Variants in EYS observed in about 807,000 individuals in gnomAD.
EYS encodes EGF-like photoreceptor maintenance factor.
EYS carries 250 observed loss-of-function variants against 282.1 expected under a neutral mutation model. The observed-to-expected ratio is 0.89, with a 90% CI of 0.80 to 0.98. The LOEUF (loss-of-function observed/expected upper bound fraction) is 0.98, where lower values mean the gene tolerates loss of function less well. Among genes scored for constraint, EYS ranks in the 50% least tolerant of loss-of-function variants. The pLI, the probability that EYS is intolerant of heterozygous loss-of-function variation, is 0.00. For missense variants in EYS, 4,016 were observed against 3,709.0 expected (o/e 1.08, Z -2.15); for synonymous variants, 1,355 against 1,282.9 (o/e 1.06, Z -1.20).
At chr6:65,211,177 G>C (rs1048581899) in intron 12 of EYS, among the ~76,000 whole-genome samples, 1 of 151,984 alleles carries the variant, frequency 6.6e-6, no homozygotes, top group Non-Finnish European at 1.5e-5. Flanking sequence ...AAGTATTGGA[G>C]TTACAGGAAC....
intron 13 of EYS, among the ~76,000 whole-genome samples, chr6:65,034,422 G>T (rs1349650341): frequency 1.3e-5 from 2 of 152,198 alleles, no homozygotes; most frequent in Admixed American, 6.6e-5. Context: ...CATGTTGAAT[G>T]GCAATCCCTA....
At chr6:63,905,088 A>T (rs1048393286) in intron 35 of EYS, among the ~76,000 whole-genome samples, 1 of 152,044 alleles carries the variant, frequency 6.6e-6, no homozygotes, top group African/African-American at 2.4e-5. Context: ...TGCGATCACT[A>T]ATCTGCTTTC....
chr6:65,180,841 A>T (rs1765361237), intron 12 of EYS, among the ~76,000 whole-genome samples: 1 of 152,158 alleles, frequency 6.6e-6, no homozygotes, highest in South Asian at 2.1e-4. Context: ...ACAGCATGGT[A>T]CTGGTACCAA....
intron 31 of EYS, among the ~76,000 whole-genome samples, chr6:64,152,467 G>T (rs1468240482): frequency 1.3e-5 from 2 of 152,030 alleles, no homozygotes; most frequent in Non-Finnish European, 2.9e-5. Context: ...GTGCTCTCAG[G>T]CATCAACTAT....
chr6:64,341,785 A>G (rs1561940132), intron 29 of EYS, among the ~76,000 whole-genome samples: 1 of 151,622 alleles, frequency 6.6e-6, no homozygotes, highest in Non-Finnish European at 1.5e-5. Context: ...GCATTCTCTA[A>G]CCACTTGCCC....
intron 12 of EYS, among the ~76,000 whole-genome samples, chr6:65,165,328 A>G (rs560627354): frequency 1.8e-4 from 27 of 149,808 alleles, no homozygotes; most frequent in Non-Finnish European, 3.6e-4. Flanking sequence ...TCAAGCTTTC[A>G]TCTCAAATTA....
chr6:63,788,320 T>TAAAA, intron 38 of EYS, 71 bp from the exon 39 acceptor site: 1 of 1,247,640 alleles, frequency 8.0e-7, no homozygotes. Flanking sequence ...GATACTCTTT[T>TAAAA]GTTATTTCCC....
chr6:64,786,849 TA>T (rs376691305), intron 22 of EYS, among the ~76,000 whole-genome samples: 261 of 152,346 alleles, frequency 1.7e-3, no homozygotes, highest in African/African-American at 6.2e-3. Context: ...ACTCTAGTGA[TA>T]AATCCTGGGG....
intron 35 of EYS, among the ~76,000 whole-genome samples, chr6:63,878,240 C>G (rs550876365): frequency 4.3e-4 from 66 of 152,318 alleles, no homozygotes; most frequent in African/African-American, 1.4e-3. Flanking sequence ...CCTGGAGGTC[C>G]ACTCCAGACC....
At chr6:64,486,024 A>T (rs951075006) in intron 26 of EYS, among the ~76,000 whole-genome samples, 3 of 151,360 alleles carry the variant, frequency 2.0e-5, no homozygotes, top group African/African-American at 4.8e-5. Flanking sequence ...ATAGCTATTT[A>T]AAAAGTATTG....
chr6:65,270,355 AT>A (rs1767865234), intron 12 of EYS, among the ~76,000 whole-genome samples: 1 of 152,104 alleles, frequency 6.6e-6, no homozygotes, highest in Non-Finnish European at 1.5e-5. Context: ...TTCCAGAATT[AT>A]TGGATCAGGA....
chr6:63,738,192 A>T (rs533988066), intron 41 of EYS, among the ~76,000 whole-genome samples: 9 of 152,174 alleles, frequency 5.9e-5, no homozygotes, highest in Non-Finnish European at 1.3e-4. Flanking sequence ...TTCCTTAGGG[A>T]ACTAGAACTA....
intron 30 of EYS, among the ~76,000 whole-genome samples, chr6:64,247,902 C>T (rs555068039): frequency 6.6e-6 from 1 of 152,222 alleles, no homozygotes; most frequent in South Asian, 2.1e-4. Flanking sequence ...CCTAAAATTT[C>T]TACACTCTTG....
intron 2 of EYS, among the ~76,000 whole-genome samples, chr6:65,539,142 A>C (rs1481352236): frequency 6.6e-6 from 1 of 152,226 alleles, no homozygotes; most frequent in Non-Finnish European, 1.5e-5. Context: ...AATTGCATTA[A>C]TTCTGCTTCT....
chr6:64,268,737 A>G (rs1357971504), intron 30 of EYS, among the ~76,000 whole-genome samples: 1 of 152,142 alleles, frequency 6.6e-6, no homozygotes, highest in Non-Finnish European at 1.5e-5. Context: ...GAGCAATTGA[A>G]TACATAATGG....
intron 9 of EYS, among the ~76,000 whole-genome samples, chr6:65,352,494 G>A (rs1042627886): frequency 4.6e-5 from 7 of 151,844 alleles, no homozygotes; most frequent in Non-Finnish European, 8.8e-5. Context: ...AATAGATTGC[G>A]ATAGAAATTG....
At chr6:63,759,218 A>G (rs1174270691) in intron 41 of EYS, among the ~76,000 whole-genome samples, 1 of 152,126 alleles carries the variant, frequency 6.6e-6, no homozygotes, top group Non-Finnish European at 1.5e-5. Flanking sequence ...ACAAAAGCAG[A>G]ATGAAATCTC....
intron 29 of EYS, among the ~76,000 whole-genome samples, chr6:64,309,308 G>GAGAT (rs2150377269): frequency 6.6e-6 from 1 of 152,214 alleles, no homozygotes; most frequent in East Asian, 1.9e-4. Flanking sequence ...TTACTCTATT[G>GAGAT]AGATACTTCT....
intron 26 of EYS, among the ~76,000 whole-genome samples, chr6:64,564,547 C>A (rs930623360): frequency 6.6e-6 from 1 of 152,048 alleles, no homozygotes; most frequent in South Asian, 2.1e-4. Context: ...TCCCAAAGTG[C>A]TGGGATTACA....
Sources: gnomAD v4.1 joint callset for allele counts (sites outside exome capture counted in the v4.1 genomes callset) on GRCh38, gnomAD v4.1.1 for gene constraint, MANE v1.5 for transcripts, NCBI Gene and HGNC (gene_info 2026-07-23, HGNC 2026-07-21) for gene names.